Variants in CPA6 observed in about 807,000 individuals in gnomAD.
CPA6 encodes carboxypeptidase B.
A neutral mutation model predicts 63.3 loss-of-function variants in CPA6; 58 were observed. The observed-to-expected ratio is 0.92, with a 90% confidence interval of 0.74 to 1.14. The LOEUF (loss-of-function observed/expected upper bound fraction) is 1.14, where lower values mean the gene tolerates loss of function less well. Ranked by LOEUF, CPA6 falls within the 50% of genes most tolerant of loss-of-function variation. CPA6 has a pLI of 0.00. For missense variants in CPA6, 565 were observed against 526.6 expected, an observed-to-expected ratio of 1.07 and a Z score of -0.71; for synonymous variants, 185 against 179.0, an observed-to-expected ratio of 1.03 and a Z score of -0.27.
chr8:67,603,123 T>C (rs1814539586), intron 2 of CPA6, among the ~76,000 whole-genome samples: 1 of 152,190 alleles, frequency 6.6e-6, no homozygotes, highest in African/African-American at 2.4e-5. Flanking sequence ...CCTATTACTT[T>C]AAGAAAATGC....
At chr8:67,447,509 ACACAC>A (rs1810454320) in intron 8 of CPA6, among the ~76,000 whole-genome samples, 2 of 52,074 alleles carry the variant, frequency 3.8e-5, no homozygotes, top group Admixed American at 4.0e-4. Context: ...GTGTGTATAC[ACACAC>A]ACACACACAC....
At chr8:67,743,920 A>G (rs1046096822) in intron 1 of CPA6, among the ~76,000 whole-genome samples, 5 of 152,226 alleles carry the variant, frequency 3.3e-5, no homozygotes, top group African/African-American at 1.2e-4. Context: ...AATGAGAAAA[A>G]TTATTAAGGA....
intron 6 of CPA6, among the ~76,000 whole-genome samples, chr8:67,506,354 C>G (rs546556701): frequency 2.6e-5 from 4 of 152,204 alleles, no homozygotes; most frequent in African/African-American, 9.6e-5. Context: ...ACAAGCAATC[C>G]CTTGTTCATC....
intron 1 of CPA6, among the ~76,000 whole-genome samples, chr8:67,737,573 A>G (rs1202082574): frequency 1.3e-5 from 2 of 152,036 alleles, no homozygotes; most frequent in Non-Finnish European, 2.9e-5. Context: ...TTTTCTCTGG[A>G]GGCACAAGGA....
At chr8:67,448,448 T>C (rs1001531052) in intron 8 of CPA6, among the ~76,000 whole-genome samples, 8 of 150,822 alleles carry the variant, frequency 5.3e-5, no homozygotes, top group Admixed American at 4.6e-4. Context: ...CTGGGCAACA[T>C]GGTAAAACCA....
chr8:67,746,158 A>G lies in CPA6; in HGVS notation c.-29T>C, dbSNP rs939353626. 2.9e-5 allele frequency: 46 copies of G among 1,567,054 alleles called. No homozygotes were observed. Among genetic ancestry groups the G allele is most frequent in the Non-Finnish European group, 4.0e-5 (46 of 1,144,530 alleles). On this transcript the variant is annotated 5_prime_UTR_variant, in exon 1 of 11. Coordinates refer to ENST00000297770, the MANE Select transcript of CPA6 (RefSeq NM_020361.5). The stretch of plus-strand genomic sequence containing the variant: ...GTTAAGAAGAGAGGAGTTGAAAGTT[A>G]CTTAAGCAGCCACCCGAGGCTGGAG...
intron 2 of CPA6, among the ~76,000 whole-genome samples, chr8:67,574,496 C>CA (rs1223054135): frequency 6.6e-6 from 1 of 151,600 alleles, no homozygotes; most frequent in Non-Finnish European, 1.5e-5. Context: ...AACTATACTA[C>CA]AAAGTGATAG....
At position 67,520,025 on chromosome 8, in the gene CPA6, T is replaced by G. The variant is rs188959494; in HGVS notation, c.193-1978A>C. 3.1e-3 allele frequency among the ~76,000 whole-genome samples: 467 copies of G among 152,278 alleles called. 1 individual carries two copies. Among genetic ancestry groups the G allele is most frequent in the African/African-American group, 0.011 (437 of 41,554 alleles). On this transcript the variant is annotated intron_variant, in intron 2 of 10. Transcript: ENST00000297770. ...GCATGTTGGTATCTTTCACTTTTCT[T>G]TATATATTAGATTTTCGAATCCTTT...
At chr8:67,678,210 A>G (rs1188100934) in intron 1 of CPA6, among the ~76,000 whole-genome samples, 2 of 137,292 alleles carry the variant, frequency 1.5e-5, no homozygotes, top group Non-Finnish European at 3.2e-5. Flanking sequence ...CCTGGGAGAT[A>G]ATTGTAAAAC....
chr8:67,703,859 G>C (rs1817076437), intron 1 of CPA6, among the ~76,000 whole-genome samples: 1 of 151,948 alleles, frequency 6.6e-6, no homozygotes. Context: ...TTTTGCTTTT[G>C]AAGCAGTTTG....
At chr8:67,742,036 C>A (rs1420232161) in intron 1 of CPA6, among the ~76,000 whole-genome samples, 1 of 152,150 alleles carries the variant, frequency 6.6e-6, no homozygotes, top group Non-Finnish European at 1.5e-5. Flanking sequence ...AGGGCATTCA[C>A]TCTGTTGGTC....
intron 1 of CPA6, among the ~76,000 whole-genome samples, chr8:67,677,342 C>CTTTTTTTTTTTTTTTTTTT: frequency 7.8e-6 from 1 of 128,368 alleles, no homozygotes; most frequent in Non-Finnish European, 1.6e-5. Context: ...AAAACACCTT[C>CTTTTTTTTTTTTTTTTTTT]TTTTTTTTTT....
At chr8:67,478,985 C>T (rs1333009034) in intron 8 of CPA6, among the ~76,000 whole-genome samples, 1 of 152,162 alleles carries the variant, frequency 6.6e-6, no homozygotes, top group African/African-American at 2.4e-5. Context: ...CACGTCACTG[C>T]ACTCTAGCCT....
chr8:67,590,058 G>A (rs1172146995), intron 2 of CPA6, among the ~76,000 whole-genome samples: 1 of 146,596 alleles, frequency 6.8e-6, no homozygotes, highest in Non-Finnish European at 1.5e-5. Context: ...CCCCACAACA[G>A]TCCCCAGAGT....
At chr8:67,576,025 A>G (rs1813616710) in intron 2 of CPA6, among the ~76,000 whole-genome samples, 1 of 152,212 alleles carries the variant, frequency 6.6e-6, no homozygotes, top group African/African-American at 2.4e-5. Flanking sequence ...GGTGGTTACC[A>G]GAGGCTGAAG....
chr8:67,475,867 CTTTCTTTCTT>C (rs1811199376), intron 8 of CPA6, among the ~76,000 whole-genome samples: 4 of 83,334 alleles, frequency 4.8e-5, no homozygotes, highest in African/African-American at 2.1e-4. Flanking sequence ...TTCTTTCTTT[CTTTCTTTCTT>C]TCTCCTTTCT....
intron 1 of CPA6, among the ~76,000 whole-genome samples, chr8:67,626,544 G>T (rs1815198362): frequency 6.6e-6 from 1 of 152,120 alleles, no homozygotes; most frequent in Admixed American, 6.5e-5. Flanking sequence ...AAGAATAAAA[G>T]AAAGTACCGG....
At chr8:67,528,239 G>C (rs746181249) in intron 2 of CPA6, among the ~76,000 whole-genome samples, 1 of 152,232 alleles carries the variant, frequency 6.6e-6, no homozygotes, top group Non-Finnish European at 1.5e-5. Flanking sequence ...CTTCCCAGGA[G>C]AGGGGTTGCC....
intron 1 of CPA6, among the ~76,000 whole-genome samples, chr8:67,671,182 C>T (rs534415206): frequency 6.6e-6 from 1 of 152,348 alleles, no homozygotes; most frequent in African/African-American, 2.4e-5. Flanking sequence ...GAACAATCAC[C>T]TCAATCTTGC....
Sources: gnomAD v4.1 joint callset for allele counts (sites outside exome capture counted in the v4.1 genomes callset) on GRCh38, gnomAD v4.1.1 for gene constraint, MANE v1.5 for transcripts, NCBI Gene and HGNC (gene_info 2026-07-23, HGNC 2026-07-21) for gene names.